Variants in FOXP1 observed in about 807,000 individuals in gnomAD.
FOXP1 encodes the protein forkhead box P1, also known as forkhead box protein P1.
In FOXP1, 15 loss-of-function variants were observed where a neutral mutation model predicts 98.2. The observed-to-expected ratio is 0.15, with a 90% CI of 0.10 to 0.24. The LOEUF (loss-of-function observed/expected upper bound fraction) is 0.24. Ranked by LOEUF, FOXP1 falls within the 10% of genes least tolerant of loss-of-function variation. The probability of loss-of-function intolerance (pLI) is 1.00; values close to 1 mark genes in which losing one functional copy is unlikely to be tolerated. For missense variants in FOXP1, 633 were observed against 848.5 expected, an observed-to-expected ratio of 0.75 and a Z score of 3.15; for synonymous variants, 371 against 314.5, an observed-to-expected ratio of 1.18 and a Z score of -1.90.
intron 3 of FOXP1, among the ~76,000 whole-genome samples, chr3:71,410,761 C>A (rs1282150981): frequency 6.6e-6 from 1 of 152,130 alleles, no homozygotes; most frequent in Non-Finnish European, 1.5e-5. Context: ...TTCCATGATA[C>A]CTTACCTTTT....
chr3:71,317,337 G>C (rs2075135374), intron 4 of FOXP1, among the ~76,000 whole-genome samples: 1 of 152,182 alleles, frequency 6.6e-6, no homozygotes, highest in Non-Finnish European at 1.5e-5. Context: ...ACTTGATCAG[G>C]TGTGGAGTAC....
chr3:71,511,496 TAAAA>T (rs60459177), intron 2 of FOXP1, among the ~76,000 whole-genome samples: 2 of 133,882 alleles, frequency 1.5e-5, no homozygotes, highest in African/African-American at 2.8e-5. Flanking sequence ...GTAGAATTAA[TAAAA>T]AAAAAAAAAA....
intron 14 of FOXP1, among the ~76,000 whole-genome samples, chr3:70,980,685 C>T (rs939564020): frequency 6.6e-6 from 1 of 152,200 alleles, no homozygotes; most frequent in South Asian, 2.1e-4. Context: ...CCGTGCAGAG[C>T]ATTTTATCCC....
chr3:71,008,436 T>C (rs888568187), intron 12 of FOXP1, among the ~76,000 whole-genome samples: 1 of 152,166 alleles, frequency 6.6e-6, no homozygotes, highest in Non-Finnish European at 1.5e-5. Context: ...CTCTGGATGA[T>C]ACGGGACTTG....
chr3:71,057,327 T>TTTTTTTC lies in FOXP1; in HGVS notation c.283-3555_283-3554insGAAAAAA, dbSNP rs1553715362. Among the ~76,000 whole-genome samples, 2 of 134,286 alleles carry TTTTTTTC rather than the reference T, an allele frequency of 1.5e-5. 1 individual carries two copies. The highest frequency in any genetic ancestry group is 3.1e-5 in the Non-Finnish European group (2 of 64,674). The allele number at this position is 134,286 out of a possible 152,430, so 88.1% of individuals were successfully genotyped here. A position where few individuals can be genotyped will look rare whatever the true frequency, so the allele number is the denominator to read the frequency against. ...TTTTTTTTTTTTTTTTTTTTTTTTT[T>TTTTTTTC]CAGATTTCATGCCTTCTACCTTAAC... is the stretch of plus-strand genomic sequence containing the variant. On this transcript the variant is annotated intron_variant, in intron 7 of 20. Coordinates refer to ENST00000649528, the MANE Select transcript of FOXP1 (RefSeq NM_001349338.3).
intron 3 of FOXP1, among the ~76,000 whole-genome samples, chr3:71,482,716 T>A (rs1412584442): frequency 6.6e-6 from 1 of 152,026 alleles, no homozygotes; most frequent in Non-Finnish European, 1.5e-5. Flanking sequence ...TACATAACTT[T>A]AAAATTTTTT....
intron 13 of FOXP1, among the ~76,000 whole-genome samples, chr3:70,991,052 A>T (rs907431002): frequency 6.9e-6 from 1 of 144,820 alleles, no homozygotes; most frequent in South Asian, 2.2e-4. Context: ...CAACTTTCTA[A>T]TTTTTTTTTT....
At chr3:71,528,183 G>A (rs1458378623) in intron 2 of FOXP1, among the ~76,000 whole-genome samples, 3 of 152,176 alleles carry the variant, frequency 2.0e-5, no homozygotes, top group East Asian at 3.9e-4. Context: ...TACACCTCCC[G>A]GCATTTGTTC....
chr3:71,053,811 A>G, intron 7 of FOXP1, 38 bp from the exon 8 acceptor site: 3 of 1,613,422 alleles, frequency 1.9e-6, no homozygotes, highest in South Asian at 1.1e-5. Flanking sequence ...AAGCCAGGAA[A>G]TCAGAAGCAC....
At chr3:70,968,239 C>T (rs2035380543) in intron 19 of FOXP1, 1 of 152,042 alleles carries the variant, frequency 6.6e-6, no homozygotes, top group Admixed American at 6.6e-5. Flanking sequence ...AAATGGGCTG[C>T]AGAGAGATCC....
intron 3 of FOXP1, among the ~76,000 whole-genome samples, chr3:71,479,679 C>CAAAAA (rs71120335): frequency 7.1e-5 from 4 of 56,462 alleles, no homozygotes; most frequent in South Asian, 4.9e-4. Context: ...AACATCATCT[C>CAAAAA]AAAAAAAAAA....
At chr3:71,458,971 G>A (rs1337938790) in intron 3 of FOXP1, among the ~76,000 whole-genome samples, 1 of 152,182 alleles carries the variant, frequency 6.6e-6, no homozygotes, top group Non-Finnish European at 1.5e-5. Context: ...GCTATTATCA[G>A]AAAGGATATG....
intron 5 of FOXP1, among the ~76,000 whole-genome samples, chr3:71,231,426 G>A (rs1055960943): frequency 2.0e-5 from 3 of 151,814 alleles, no homozygotes; most frequent in Non-Finnish European, 4.4e-5. Context: ...TCCACCTATA[G>A]CTACCTTATA....
chr3:71,409,094 G>A (rs1043631291), intron 3 of FOXP1, among the ~76,000 whole-genome samples: 4 of 152,044 alleles, frequency 2.6e-5, no homozygotes, highest in African/African-American at 9.7e-5. Flanking sequence ...CTCACTGCAG[G>A]GCCTTTGCAC....
intron 3 of FOXP1, among the ~76,000 whole-genome samples, chr3:71,481,354 T>C (rs1187818493): frequency 6.6e-6 from 1 of 152,220 alleles, no homozygotes; most frequent in Non-Finnish European, 1.5e-5. Context: ...AGAACCAGGA[T>C]TAAAGCCCAA....
intron 2 of FOXP1, among the ~76,000 whole-genome samples, chr3:71,559,229 C>G (rs2046367548): frequency 6.6e-6 from 1 of 152,168 alleles, no homozygotes; most frequent in Non-Finnish European, 1.5e-5. Context: ...CCAGGGCTAC[C>G]CCCACTCTGA....
chr3:71,094,278 C>CTTT (rs1180804992), intron 7 of FOXP1, among the ~76,000 whole-genome samples: 37 of 127,818 alleles, frequency 2.9e-4, no homozygotes, highest in African/African-American at 5.2e-4. Context: ...TTTTTCTTTT[C>CTTT]TTTTTTTTTT....
intron 13 of FOXP1, among the ~76,000 whole-genome samples, chr3:70,995,681 T>C (rs1402120643): frequency 6.6e-6 from 1 of 152,206 alleles, no homozygotes; most frequent in Non-Finnish European, 1.5e-5. Context: ...TTAAAAATTA[T>C]AACTGTCTTT....
At chr3:71,120,984 C>CTT (rs1369352982) in intron 6 of FOXP1, among the ~76,000 whole-genome samples, 1 of 151,050 alleles carries the variant, frequency 6.6e-6, no homozygotes, top group Non-Finnish European at 1.5e-5. Flanking sequence ...AAGTCAGCAA[C>CTT]TTGAGTATAT....
Sources: gnomAD v4.1 joint callset for allele counts (sites outside exome capture counted in the v4.1 genomes callset) on GRCh38, gnomAD v4.1.1 for gene constraint, MANE v1.5 for transcripts, NCBI Gene and HGNC (gene_info 2026-07-23, HGNC 2026-07-21) for gene names.